PARP14: variants seen among roughly 807,000 people sequenced by gnomAD.
The protein encoded by PARP14 is protein mono-ADP-ribosyltransferase PARP14.
Under a neutral mutation model 154.2 loss-of-function variants are expected in PARP14, and 59 were observed. The ratio of observed to expected loss-of-function variants is 0.38; its 90% confidence interval spans 0.31 to 0.48. The LOEUF (loss-of-function observed/expected upper bound fraction) is 0.48. PARP14 is among the 20% of genes least tolerant of loss of function. The probability of loss-of-function intolerance (pLI) is 0.98; values close to 1 mark genes in which losing one functional copy is unlikely to be tolerated. For synonymous variants in PARP14, 720 were observed against 780.5 expected, an observed-to-expected ratio of 0.92 and a Z score of 1.29; for missense variants, 1,734 against 2,131.6, an observed-to-expected ratio of 0.81 and a Z score of 3.67.
intron 3 of PARP14, among the ~76,000 whole-genome samples, chr3:122,687,834 A>G (rs1938419526): frequency 6.6e-5 from 10 of 152,266 alleles, no homozygotes. Context: ...AGTGGTACAT[A>G]TACCTAAACC....
intron 5 of PARP14, among the ~76,000 whole-genome samples, chr3:122,695,960 A>G (rs948831065): frequency 6.6e-6 from 1 of 152,216 alleles, no homozygotes; most frequent in African/African-American, 2.4e-5. Context: ...AAAGGAGATG[A>G]TCTGTGTTTT....
At chr3:122,723,029 G>C (rs941178431) in intron 15 of PARP14, among the ~76,000 whole-genome samples, 1 of 151,544 alleles carries the variant, frequency 6.6e-6, no homozygotes, top group Non-Finnish European at 1.5e-5. Context: ...TCCGCCTACC[G>C]GTTGCAAGCG....
chr3:122,682,822 G>T (rs1047178277), intron 1 of PARP14, among the ~76,000 whole-genome samples: 11 of 152,206 alleles, frequency 7.2e-5, no homozygotes, highest in Non-Finnish European at 1.3e-4. Context: ...GGAGGCTGAG[G>T]CAGGTGGATG....
intron 3 of PARP14, among the ~76,000 whole-genome samples, chr3:122,687,685 A>G (rs1055080231): frequency 3.3e-5 from 5 of 152,220 alleles, no homozygotes; most frequent in Non-Finnish European, 1.5e-5. Flanking sequence ...TGTGGACTCC[A>G]ATGCTCAACT....
intron 4 of PARP14, among the ~76,000 whole-genome samples, chr3:122,693,288 T>C (rs1938597572): frequency 6.6e-6 from 1 of 152,048 alleles, no homozygotes; most frequent in African/African-American, 2.4e-5. Flanking sequence ...ATCTCTGAGA[T>C]TGGGAAGAGA....
Position 122,680,860 on chromosome 3 carries a change from G to C in PARP14, c.-24G>C, listed in dbSNP as rs748890726. The C allele has an allele frequency of 9.1e-5, 144 of 1,575,402 alleles. No individual in the cohort carries two copies. The highest frequency in any genetic ancestry group is 1.2e-4 in the Non-Finnish European group (139 of 1,159,150). ...GCCCGGAGTTGGCGCGGCCCCTGCA[G>C]TCCGGCGGAGAGCGGAGCTGAGGAT... On this transcript the variant is annotated 5_prime_UTR_variant, in exon 1 of 17. Transcript: ENST00000474629.
chr3:122,686,275 T>TC (rs779907490), intron 2 of PARP14, among the ~76,000 whole-genome samples: 1 of 151,966 alleles, frequency 6.6e-6, no homozygotes, highest in Non-Finnish European at 1.5e-5. Context: ...TACCTCAGCC[T>TC]CCCCAGTAGC....
chr3:122,713,317 A>G, intron 9 of PARP14, 107 bp from the exon 10 acceptor site: 1 of 823,968 alleles, frequency 1.2e-6, no homozygotes, highest in South Asian at 1.9e-5. Context: ...AGGTCACAGA[A>G]AGAGAGGGAG....
chr3:122,695,310 A>G, intron 4 of PARP14, 116 bp from the exon 5 acceptor site: 1 of 616,908 alleles, frequency 1.6e-6, no homozygotes, highest in Non-Finnish European at 2.9e-6. Context: ...GTGTCTAAAA[A>G]TGGAGTGCTT....
At chr3:122,696,149 T>C (rs1392592768) in intron 5 of PARP14, among the ~76,000 whole-genome samples, 1 of 152,166 alleles carries the variant, frequency 6.6e-6, no homozygotes, top group African/African-American at 2.4e-5. Context: ...TTGTTTGGAG[T>C]GACCCTGTGA....
At chr3:122,695,903 G>C (rs377429524) in intron 5 of PARP14, among the ~76,000 whole-genome samples, 4 of 152,170 alleles carry the variant, frequency 2.6e-5, no homozygotes, top group East Asian at 1.9e-4. Flanking sequence ...CTCTACCTAT[G>C]ATGGGCTGAA....
At position 122,699,587 on chromosome 3, in the gene PARP14, A is replaced by G; in HGVS notation, c.1033A>G (p.Asn345Asp). ...QKKNHLIEEI[N>D]DEMRRCHCEL... ...AAAGAATCACCTCATTGAGGAGATA[A>G]ACGATGAAATGAGGCGTTGTCACTG... The change falls in exon 6 of 17, where the codon AAC becomes GAC. Residue 345 changes from asparagine to aspartate, a missense_variant. Asn to Asp is a conservative substitution (Grantham distance 23). Coordinates refer to ENST00000474629, the MANE Select transcript of PARP14 (RefSeq NM_017554.3). The G allele has an allele frequency of 1.2e-6, 2 of 1,613,944 alleles. No individual in the cohort carries two copies. The highest frequency in any genetic ancestry group is 2.2e-5 in the South Asian group (2 of 91,082).
intron 14 of PARP14, among the ~76,000 whole-genome samples, chr3:122,719,227 CCCAGAG>C (rs1192507722): frequency 6.6e-6 from 1 of 152,128 alleles, no homozygotes; most frequent in East Asian, 1.9e-4. Context: ...TTATAAGCTT[CCCAGAG>C]CCAGTTGTGC....
chr3:122,694,709 G>A (rs967127059), intron 4 of PARP14, among the ~76,000 whole-genome samples: 5 of 152,164 alleles, frequency 3.3e-5, no homozygotes, highest in African/African-American at 4.8e-5. Flanking sequence ...TAGTAGAGAC[G>A]GAGTTTCACT....
chr3:122,711,055 T>A (rs573957688), intron 9 of PARP14, among the ~76,000 whole-genome samples: 44 of 152,110 alleles, frequency 2.9e-4, no homozygotes, highest in Non-Finnish European at 4.4e-4. Context: ...TGACTTCCTC[T>A]TTTCCAGTTT....
chr3:122,685,958 C>T (rs973771170), intron 2 of PARP14, among the ~76,000 whole-genome samples: 2 of 152,028 alleles, frequency 1.3e-5, no homozygotes, highest in Admixed American at 6.6e-5. Flanking sequence ...TTTTCTATGT[C>T]ATTTTGAGGA....
chr3:122,699,650 A>G lies in PARP14; in HGVS notation c.1096A>G (p.Ile366Val), dbSNP rs776498250. 6 of 1,613,954 alleles carry G rather than the reference A, an allele frequency of 3.7e-6. No individual in the cohort carries two copies. The highest frequency in any genetic ancestry group is 2.7e-5 in the African/African-American group (2 of 74,954). The change falls in exon 6 of 17, where the codon ATC becomes GTC. Residue 366 changes from isoleucine to valine, a missense_variant. Coordinates refer to ENST00000474629, the MANE Select transcript of PARP14 (RefSeq NM_017554.3). ...GTCCCAACTCAGTGGTAAAGTTACCATCAGACCAGCAGCCACCTTAGTCAA... is the reference window on the plus strand; with the variant it reads ...GTCCCAACTCAGTGGTAAAGTTACCGTCAGACCAGCAGCCACCTTAGTCAA... ...TWSQLSGKVT[I>V]RPAATLVNEG...
Position 122,704,700 on chromosome 3 carries a change from A to G in PARP14, c.3492A>G (p.Leu1164=), listed in dbSNP as rs762242144. 6.2e-7 allele frequency: 1 copy of G among 1,606,768 alleles called. No homozygotes were observed. The highest frequency in any genetic ancestry group is 8.5e-7 in the Non-Finnish European group (1 of 1,175,904). ...KFSSKNQLKT[L]QEVHFLLHPS... ...GTAGCAAGAATCAGCTGAAAACTTTACAAGAGGTTCACTTTCTGCTGCACC... is the reference window on the plus strand; with the variant it reads ...GTAGCAAGAATCAGCTGAAAACTTTGCAAGAGGTTCACTTTCTGCTGCACC... The change falls in exon 8 of 17, where the codon TTA becomes TTG. Residue 1164 remains leucine, a synonymous_variant. Coordinates refer to ENST00000474629, the MANE Select transcript of PARP14 (RefSeq NM_017554.3).
chr3:122,681,805 C>T lies in PARP14; in HGVS notation c.187+735C>T, dbSNP rs1300953783. ...TACAGACCCACCACTACTTGGTGGG[C>T]CAAGAGCCCAGAGGTGATCTGCTGG... On this transcript the variant is annotated intron_variant, in intron 1 of 16. Coordinates refer to ENST00000474629, the MANE Select transcript of PARP14 (RefSeq NM_017554.3). This position sits in a 1 kb window ranked among gnomAD's most constrained non-coding sequence, Gnocchi z 5.5. Among the ~76,000 whole-genome samples the T allele has an allele frequency of 6.6e-6, 1 of 152,154 alleles. No homozygotes were observed. The highest frequency in any genetic ancestry group is 1.9e-4 in the East Asian group (1 of 5,182).
Sources: allele counts gnomAD v4.1 joint callset (sites outside exome capture counted in the v4.1 genomes callset), GRCh38; gene constraint gnomAD v4.1.1; non-coding constraint Gnocchi (gnomAD v3.1); transcripts MANE v1.5; gene names NCBI Gene and HGNC (gene_info 2026-07-23, HGNC 2026-07-21).